Variants in PLXDC2 observed in about 807,000 individuals in gnomAD.
PLXDC2 encodes the protein plexin domain-containing protein 2.
In PLXDC2, 40 loss-of-function variants were observed where a neutral mutation model predicts 68.9. That is an observed-to-expected ratio of 0.58 (90% CI 0.45 to 0.76). The LOEUF is 0.76. Ranked by LOEUF, PLXDC2 falls within the 30% of genes least tolerant of loss-of-function variation. The probability of loss-of-function intolerance (pLI) is 0.00; values close to 1 mark genes in which losing one functional copy is unlikely to be tolerated. For synonymous variants in PLXDC2, 243 were observed against 234.2 expected (o/e 1.04, Z -0.34); for missense variants, 644 against 661.9 (o/e 0.97, Z 0.30).
chr10:19,932,416 A>G (rs1833653235), intron 1 of PLXDC2, among the ~76,000 whole-genome samples: 1 of 152,196 alleles, frequency 6.6e-6, no homozygotes, highest in Admixed American at 6.5e-5. Flanking sequence ...TGGAGTTATC[A>G]GGGTGACAAG....
intron 3 of PLXDC2, among the ~76,000 whole-genome samples, chr10:20,058,890 A>G (rs1363410723): frequency 1.3e-5 from 2 of 152,238 alleles, no homozygotes; most frequent in African/African-American, 4.8e-5. Context: ...TATGTTTTCC[A>G]GAAACAAGTC....
At chr10:20,093,281 T>C (rs1470241672) in intron 4 of PLXDC2, among the ~76,000 whole-genome samples, 2 of 152,198 alleles carry the variant, frequency 1.3e-5, no homozygotes, top group African/African-American at 2.4e-5. Flanking sequence ...TTCTTCATAT[T>C]AGACCATAAT....
In PLXDC2 at chr10:20,001,908, C is replaced by T. The variant is rs748775136; in HGVS notation, c.246C>T (p.Val82=). The change falls in exon 2 of 14, where the codon GTC becomes GTT. Residue 82 remains valine, a synonymous_variant. Coordinates refer to ENST00000377252, the MANE Select transcript of PLXDC2 (RefSeq NM_032812.9). ...CGGTAGACACGAACCGAGCAAGCGT[C>T]GGCCAAGACTCTCCTGAGCCCAGAA... The part of the protein sequence containing the change: ...LKAVDTNRAS[V]GQDSPEPRSF... The T allele has an allele frequency of 4.3e-6, 7 of 1,613,576 alleles. No homozygotes were observed. Among genetic ancestry groups the T allele is most frequent in the Admixed American group, 1.7e-5 (1 of 59,982 alleles).
intron 1 of PLXDC2, among the ~76,000 whole-genome samples, chr10:19,938,920 A>G (rs1371333554): frequency 6.6e-6 from 1 of 152,202 alleles, no homozygotes; most frequent in Non-Finnish European, 1.5e-5. Context: ...AAAAAATGTA[A>G]TGATGTTCCT....
chr10:20,052,738 A>AAAAG (rs1554762473), intron 3 of PLXDC2, among the ~76,000 whole-genome samples: 103 of 141,516 alleles, frequency 7.3e-4, no homozygotes, highest in East Asian at 3.5e-3. Flanking sequence ...AAAAAAAAAA[A>AAAAG]AAAGAAAGAA....
At chr10:20,252,677 A>G (rs1056744922) in intron 13 of PLXDC2, among the ~76,000 whole-genome samples, 4 of 152,238 alleles carry the variant, frequency 2.6e-5, no homozygotes, top group Admixed American at 6.5e-5. Flanking sequence ...TTGAGCTTCT[A>G]TTATGCACCA....
At chr10:20,236,719 T>C (rs1480982963) in intron 12 of PLXDC2, among the ~76,000 whole-genome samples, 1 of 152,100 alleles carries the variant, frequency 6.6e-6, no homozygotes, top group Admixed American at 6.5e-5. Context: ...ATTTTTTTCT[T>C]AAAGACAGGG....
At chr10:19,966,077 T>C (rs1166050380) in intron 1 of PLXDC2, among the ~76,000 whole-genome samples, 1 of 151,620 alleles carries the variant, frequency 6.6e-6, no homozygotes, top group Non-Finnish European at 1.5e-5. Context: ...TATATAACTA[T>C]AGAACTGCAG....
intron 2 of PLXDC2, among the ~76,000 whole-genome samples, chr10:20,016,777 A>T (rs561346732): frequency 6.6e-6 from 1 of 152,322 alleles, no homozygotes; most frequent in Admixed American, 6.5e-5. Flanking sequence ...GTCTTGGATG[A>T]GTTACAGACT....
At chr10:20,035,797 A>T (rs1835567653) in intron 2 of PLXDC2, among the ~76,000 whole-genome samples, 1 of 152,204 alleles carries the variant, frequency 6.6e-6, no homozygotes, top group Non-Finnish European at 1.5e-5. Flanking sequence ...TTATTGGCCA[A>T]GTAGTCACAA....
intron 1 of PLXDC2, among the ~76,000 whole-genome samples, chr10:19,838,977 G>A (rs1029936346): frequency 6.6e-6 from 1 of 152,106 alleles, no homozygotes; most frequent in African/African-American, 2.4e-5. Context: ...CCTAAGGCCA[G>A]GAGTTCAAGA....
chr10:20,065,587 T>C (rs1836193456), intron 3 of PLXDC2, among the ~76,000 whole-genome samples: 1 of 152,180 alleles, frequency 6.6e-6, no homozygotes, highest in Non-Finnish European at 1.5e-5. Context: ...TATAGTGAAA[T>C]GATTATACAA....
intron 10 of PLXDC2, among the ~76,000 whole-genome samples, chr10:20,213,019 G>A (rs568663245): frequency 5.0e-4 from 76 of 152,042 alleles, no homozygotes; most frequent in African/African-American, 1.8e-3. Context: ...TTTTCTCTAT[G>A]ATTTTATTTC....
chr10:20,064,357 A>G (rs771670222), intron 3 of PLXDC2, among the ~76,000 whole-genome samples: 1 of 151,542 alleles, frequency 6.6e-6, no homozygotes, highest in Admixed American at 6.6e-5. Flanking sequence ...AATAGCTAGG[A>G]CTACAGGCGC....
intron 4 of PLXDC2, among the ~76,000 whole-genome samples, chr10:20,078,725 A>G (rs1274665209): frequency 1.7e-5 from 1 of 59,888 alleles, no homozygotes; most frequent in Non-Finnish European, 2.6e-5. Flanking sequence ...TCTTGTAATA[A>G]TAATTATAAG....
At chr10:19,838,116 C>G (rs1836834208) in intron 1 of PLXDC2, among the ~76,000 whole-genome samples, 3 of 152,088 alleles carry the variant, frequency 2.0e-5, no homozygotes, top group South Asian at 2.1e-4. Flanking sequence ...CTTTCCACCC[C>G]AGACTCCCAA....
At chr10:19,902,480 T>A (rs1179729715) in intron 1 of PLXDC2, among the ~76,000 whole-genome samples, 1 of 152,182 alleles carries the variant, frequency 6.6e-6, no homozygotes, top group Non-Finnish European at 1.5e-5. Flanking sequence ...GATTCTCAGC[T>A]TGGTTGCTGT....
At chr10:20,229,764 T>G (rs1222770454) in intron 12 of PLXDC2, among the ~76,000 whole-genome samples, 1 of 152,148 alleles carries the variant, frequency 6.6e-6, no homozygotes, top group Non-Finnish European at 1.5e-5. Context: ...GTAACTTGAG[T>G]ACTAAGGACA....
chr10:19,903,256 ATTC>A (rs1203454999), intron 1 of PLXDC2, among the ~76,000 whole-genome samples: 7 of 151,116 alleles, frequency 4.6e-5, no homozygotes, highest in African/African-American at 1.5e-4. Context: ...ATTGGTACCA[ATTC>A]TTCTTTGAAT....
Sources: gnomAD v4.1 joint callset for allele counts (sites outside exome capture counted in the v4.1 genomes callset) on GRCh38, gnomAD v4.1.1 for gene constraint, MANE v1.5 for transcripts, NCBI Gene and HGNC (gene_info 2026-07-23, HGNC 2026-07-21) for gene names.